CADPS: variants seen among roughly 807,000 people sequenced by gnomAD.
CADPS encodes calcium-dependent secretion activator 1.
A neutral mutation model predicts 167.3 loss-of-function variants in CADPS; 57 were observed. That is an observed-to-expected ratio of 0.34 (90% CI 0.28 to 0.42). The LOEUF is 0.42. Ranked by LOEUF, CADPS falls within the 20% of genes least tolerant of loss-of-function variation. The pLI is 1.00. For missense variants in CADPS, 1,414 were observed against 1,738.1 expected, an observed-to-expected ratio of 0.81 and a Z score of 3.32; for synonymous variants, 676 against 635.3, an observed-to-expected ratio of 1.06 and a Z score of -0.96.
intron 16 of CADPS, among the ~76,000 whole-genome samples, chr3:62,513,421 G>A (rs773239721): frequency 1.8e-4 from 28 of 151,942 alleles, no homozygotes; most frequent in Non-Finnish European, 3.2e-4. Flanking sequence ...ACAAATCTGA[G>A]TTTATCACAA....
At chr3:62,534,446 T>C (rs2074306184) in intron 12 of CADPS, among the ~76,000 whole-genome samples, 1 of 152,184 alleles carries the variant, frequency 6.6e-6, no homozygotes, top group South Asian at 2.1e-4. Context: ...AAATTATAAG[T>C]TACTGCAGAG....
chr3:62,540,658 T>C (rs1289512782), intron 11 of CADPS, among the ~76,000 whole-genome samples: 2 of 152,164 alleles, frequency 1.3e-5, no homozygotes, highest in Non-Finnish European at 2.9e-5. Context: ...TCTAGGACCA[T>C]ATGCATTACA....
chr3:62,506,526 C>T (rs1204140292), intron 17 of CADPS, among the ~76,000 whole-genome samples: 1 of 152,220 alleles, frequency 6.6e-6, no homozygotes, highest in Non-Finnish European at 1.5e-5. Flanking sequence ...TATGCCAACT[C>T]AGGCTTTGTT....
chr3:62,570,837 T>C (rs748357151), intron 9 of CADPS, 35 bp downstream of exon 9: 3 of 1,363,244 alleles, frequency 2.2e-6, no homozygotes, highest in African/African-American at 2.9e-5. Flanking sequence ...AAATCTTTAA[T>C]ACTGATGTCT....
At chr3:62,813,435 C>T (rs538733990) in intron 1 of CADPS, among the ~76,000 whole-genome samples, 29 of 151,298 alleles carry the variant, frequency 1.9e-4, no homozygotes, top group Admixed American at 1.7e-3. Context: ...AAACTGGACC[C>T]CTACATTTTA....
At chr3:62,800,357 G>T (rs2093688721) in intron 1 of CADPS, among the ~76,000 whole-genome samples, 1 of 151,892 alleles carries the variant, frequency 6.6e-6, no homozygotes, top group Non-Finnish European at 1.5e-5. Flanking sequence ...AAATATTAAG[G>T]TCATCATCCT....
intron 1 of CADPS, among the ~76,000 whole-genome samples, chr3:62,788,192 C>T (rs1490164828): frequency 2.6e-5 from 4 of 152,272 alleles, no homozygotes; most frequent in African/African-American, 9.6e-5. Flanking sequence ...AATACCTTTT[C>T]TCATTAGATA....
At chr3:62,692,073 C>G (rs142013731) in intron 3 of CADPS, among the ~76,000 whole-genome samples, 3 of 151,970 alleles carry the variant, frequency 2.0e-5, no homozygotes, top group African/African-American at 7.3e-5. Context: ...ATTTTCAACA[C>G]CACTGTCTTT....
chr3:62,640,319 G>A (rs1305271193), intron 6 of CADPS, among the ~76,000 whole-genome samples: 1 of 152,120 alleles, frequency 6.6e-6, no homozygotes, highest in South Asian at 2.1e-4. Flanking sequence ...AGCAACTGGA[G>A]GGAACAACTT....
intron 29 of CADPS, among the ~76,000 whole-genome samples, chr3:62,400,377 A>G (rs193184102): frequency 2.6e-4 from 39 of 152,194 alleles, no homozygotes; most frequent in East Asian, 1.9e-4. Flanking sequence ...TTCAGTGTTA[A>G]TTGAATATGA....
At chr3:62,453,978 AT>A (rs1348589842) in intron 26 of CADPS, among the ~76,000 whole-genome samples, 12 of 152,156 alleles carry the variant, frequency 7.9e-5, no homozygotes. Flanking sequence ...TGTAAATGCC[AT>A]TTTTACAGAG....
At chr3:62,521,318 C>T (rs928277184) in intron 13 of CADPS, among the ~76,000 whole-genome samples, 1 of 152,006 alleles carries the variant, frequency 6.6e-6, no homozygotes, top group African/African-American at 2.4e-5. Flanking sequence ...GATTTGGAAC[C>T]CAAGATATTC....
At chr3:62,623,494 C>T (rs767454109) in intron 6 of CADPS, among the ~76,000 whole-genome samples, 1 of 152,158 alleles carries the variant, frequency 6.6e-6, no homozygotes, top group African/African-American at 2.4e-5. Flanking sequence ...CCCTGGACAC[C>T]ATCAGGAAAT....
chr3:62,587,971 T>C lies in CADPS; in HGVS notation c.1438-2647A>G, dbSNP rs552892283. On this transcript the variant is annotated intron_variant, in intron 7 of 29. Coordinates refer to ENST00000383710, the MANE Select transcript of CADPS (RefSeq NM_003716.4). ...GCAGACCAGACACCTCATCTGGACA[T>C]TCCAGGCTGCTAATCAAGCACTTTG... Among the ~76,000 whole-genome samples, 3 of 152,302 alleles carry C rather than the reference T, an allele frequency of 2.0e-5. No homozygotes were observed. The East Asian group carries it at 5.8e-4, about 29-fold the overall frequency.
intron 1 of CADPS, among the ~76,000 whole-genome samples, chr3:62,768,646 T>C (rs1002293496): frequency 5.3e-5 from 8 of 152,074 alleles, no homozygotes; most frequent in Admixed American, 4.6e-4. Context: ...TGTTACTTCT[T>C]AGGGCTGGGC....
chr3:62,513,501 A>C, intron 16 of CADPS: 1 of 607,258 alleles, frequency 1.6e-6, no homozygotes, highest in Non-Finnish European at 3.0e-6. Context: ...ACTGGGTTTC[A>C]CAGACAGAAC....
At chr3:62,747,537 T>C (rs3843397) in intron 3 of CADPS, among the ~76,000 whole-genome samples, 67,737 of 152,054 alleles carry the variant, frequency 0.45, 15,815 homozygotes, top group East Asian at 0.82. Flanking sequence ...TCAAGGAAGA[T>C]AGTGCTGTAA....
At chr3:62,509,291 C>CAAAA (rs756659299) in intron 17 of CADPS, among the ~76,000 whole-genome samples, 8 of 103,016 alleles carry the variant, frequency 7.8e-5, no homozygotes, top group South Asian at 4.2e-4. Context: ...GACTCTGTCT[C>CAAAA]AAAAAAAAAA....
intron 3 of CADPS, among the ~76,000 whole-genome samples, chr3:62,683,699 A>G (rs917824463): frequency 2.6e-5 from 4 of 151,928 alleles, no homozygotes; most frequent in Non-Finnish European, 5.9e-5. Context: ...AGGACACTAC[A>G]TTACATTTTG....
Sources: allele counts gnomAD v4.1 joint callset (sites outside exome capture counted in the v4.1 genomes callset), GRCh38; gene constraint gnomAD v4.1.1; transcripts MANE v1.5; gene names NCBI Gene and HGNC (gene_info 2026-07-23, HGNC 2026-07-21).